PTPRN2: variants seen among roughly 807,000 people sequenced by gnomAD.
PTPRN2 encodes the protein receptor-type tyrosine-protein phosphatase N2.
A neutral mutation model predicts 118.8 loss-of-function variants in PTPRN2; 74 were observed. That is an observed-to-expected ratio of 0.62 (90% confidence interval 0.52 to 0.76). The LOEUF (loss-of-function observed/expected upper bound fraction) is 0.76. Ranked by LOEUF, PTPRN2 falls within the 30% of genes least tolerant of loss-of-function variation. PTPRN2 has a pLI of 0.00. For missense variants in PTPRN2, 1,481 were observed against 1,394.4 expected, an observed-to-expected ratio of 1.06 and a Z score of -0.99; for synonymous variants, 641 against 608.0, an observed-to-expected ratio of 1.05 and a Z score of -0.80.
At chr7:158,493,308 C>CA (rs1462189849) in intron 1 of PTPRN2, among the ~76,000 whole-genome samples, 4 of 152,338 alleles carry the variant, frequency 2.6e-5, no homozygotes, top group South Asian at 4.1e-4. Flanking sequence ...TGCATGCAGT[C>CA]ATGCCCATTC....
intron 11 of PTPRN2, among the ~76,000 whole-genome samples, chr7:158,042,531 T>C (rs1173194892): frequency 2.0e-5 from 3 of 152,234 alleles, no homozygotes; most frequent in African/African-American, 7.2e-5. Context: ...ATCCTAAATA[T>C]AACATTTCCA....
chr7:157,547,573 G>A (rs979662350), intron 22 of PTPRN2, among the ~76,000 whole-genome samples: 2 of 152,050 alleles, frequency 1.3e-5, no homozygotes, highest in Non-Finnish European at 2.9e-5. Context: ...TCTCTCGACA[G>A]CCTCGCAACA....
Position 157,682,040 on chromosome 7 carries a change from C to T in PTPRN2, c.2001+685G>A, listed in dbSNP as rs537138110. 9.8e-5 allele frequency among the ~76,000 whole-genome samples: 15 copies of T among 152,326 alleles called. No individual in the cohort carries two copies. In the South Asian group the frequency reaches 2.3e-3, roughly 23 times the overall value. Reference sequence around the variant, plus strand: ...TCTGGGCTTATGCTGCTGTTAAAACCGAAGGCCTATGTTCATTACAGGACA... The same window carrying T: ...TCTGGGCTTATGCTGCTGTTAAAACTGAAGGCCTATGTTCATTACAGGACA... On this transcript the variant is annotated intron_variant, in intron 13 of 22. Coordinates refer to ENST00000389418, the MANE Select transcript of PTPRN2 (RefSeq NM_002847.5).
At chr7:158,071,147 G>A (rs1364211645) in intron 11 of PTPRN2, among the ~76,000 whole-genome samples, 7 of 81,752 alleles carry the variant, frequency 8.6e-5, no homozygotes, top group Non-Finnish European at 1.2e-4. Context: ...GCTCGTGGTG[G>A]TGGAGGTGCT....
At chr7:157,696,765 G>T (rs1257368764) in intron 12 of PTPRN2, among the ~76,000 whole-genome samples, 1 of 146,830 alleles carries the variant, frequency 6.8e-6, no homozygotes, top group Admixed American at 6.8e-5. Context: ...TCTTGGCAGA[G>T]CCCTCACCAT....
intron 11 of PTPRN2, among the ~76,000 whole-genome samples, chr7:157,970,875 G>T (rs759419088): frequency 1.3e-4 from 20 of 152,058 alleles, no homozygotes; most frequent in Non-Finnish European, 2.9e-4. Context: ...CCCCCTCTCT[G>T]CCCAGTGACC....
intron 3 of PTPRN2, among the ~76,000 whole-genome samples, chr7:158,252,849 G>A (rs540732502): frequency 6.8e-5 from 10 of 147,606 alleles, no homozygotes; most frequent in Non-Finnish European, 1.3e-4. Flanking sequence ...CACCACCCCC[G>A]ATTGATGGGG....
chr7:158,314,573 A>G (rs2151087204), intron 3 of PTPRN2, among the ~76,000 whole-genome samples: 1 of 152,354 alleles, frequency 6.6e-6, no homozygotes, highest in Non-Finnish European at 1.5e-5. Context: ...AGCTGGGCCC[A>G]AGCCGCCCTG....
At chr7:157,586,823 A>G (rs1442980057) in intron 17 of PTPRN2, among the ~76,000 whole-genome samples, 4 of 152,234 alleles carry the variant, frequency 2.6e-5, no homozygotes, top group Non-Finnish European at 2.9e-5. Flanking sequence ...AGGGAACATT[A>G]AAACAGTTGT....
At chr7:158,499,138 C>G (rs1822170286) in intron 1 of PTPRN2, among the ~76,000 whole-genome samples, 1 of 152,266 alleles carries the variant, frequency 6.6e-6, no homozygotes, top group South Asian at 2.1e-4. Flanking sequence ...CTCAAGACCC[C>G]CTTAGGAAAT....
intron 11 of PTPRN2, among the ~76,000 whole-genome samples, chr7:157,931,205 G>T (rs918427650): frequency 2.0e-5 from 3 of 152,266 alleles, no homozygotes; most frequent in Admixed American, 6.5e-5. Context: ...CTGGTTCCCT[G>T]GCTGTCCCAG....
intron 1 of PTPRN2, among the ~76,000 whole-genome samples, chr7:158,533,338 G>C (rs566689355): frequency 6.6e-6 from 1 of 152,336 alleles, no homozygotes; most frequent in South Asian, 2.1e-4. Context: ...ACAAAACTTT[G>C]CCAAACTCAC....
At chr7:158,538,145 C>T (rs1197197345) in intron 1 of PTPRN2, among the ~76,000 whole-genome samples, 4 of 152,236 alleles carry the variant, frequency 2.6e-5, no homozygotes, top group African/African-American at 4.8e-5. Context: ...GAGCACAGCT[C>T]GTGCACCTTT....
intron 13 of PTPRN2, among the ~76,000 whole-genome samples, chr7:157,662,520 G>A (rs1263564): frequency 5.8e-4 from 89 of 152,272 alleles, no homozygotes; most frequent in Non-Finnish European, 9.3e-4. Context: ...AAGGGGTGCC[G>A]TGGGGCCGGG....
At chr7:158,329,771 G>C (rs1263110311) in intron 2 of PTPRN2, among the ~76,000 whole-genome samples, 1 of 152,114 alleles carries the variant, frequency 6.6e-6, no homozygotes, top group Non-Finnish European at 1.5e-5. Context: ...AGTTGGCCTG[G>C]GAGTCGCAAC....
At chr7:157,691,072 C>A (rs1797468075) in intron 12 of PTPRN2, among the ~76,000 whole-genome samples, 1 of 113,232 alleles carries the variant, frequency 8.8e-6, no homozygotes, top group East Asian at 2.4e-4. Flanking sequence ...CGATGTCCCC[C>A]CCCCCCCCCA....
chr7:158,520,556 G>A (rs1288548170), intron 1 of PTPRN2, among the ~76,000 whole-genome samples: 1 of 152,198 alleles, frequency 6.6e-6, no homozygotes, highest in Middle Eastern at 3.2e-3. Flanking sequence ...AGGATCTCCA[G>A]AGAAGGCTCC....
chr7:158,000,614 TGGGGCTGGGGTCGGGCCGCAGGTGGGGA>T (rs1563316498), intron 11 of PTPRN2, among the ~76,000 whole-genome samples: 5 of 13,676 alleles, frequency 3.7e-4, no homozygotes, highest in African/African-American at 6.8e-4. Flanking sequence ...GGGAGCAGGG[TGGGGCTGGGGTCGGGCCGCAGGTGGGGA>T]GCAGGGTGGG....
chr7:157,811,126 C>T (rs992286646), intron 12 of PTPRN2, among the ~76,000 whole-genome samples: 2 of 151,514 alleles, frequency 1.3e-5, no homozygotes, highest in African/African-American at 4.9e-5. Flanking sequence ...AAAAAATTAG[C>T]CGGGCGTGGT....
Sources: gnomAD v4.1 joint callset for allele counts (sites outside exome capture counted in the v4.1 genomes callset) on GRCh38, gnomAD v4.1.1 for gene constraint, MANE v1.5 for transcripts, NCBI Gene and HGNC (gene_info 2026-07-23, HGNC 2026-07-21) for gene names.